Variants in SUSD1 observed in about 807,000 individuals in gnomAD.
The protein encoded by SUSD1 is sushi domain containing 1, also known as sushi domain-containing protein 1.
Under a neutral mutation model 86.9 loss-of-function variants are expected in SUSD1, and 65 were observed. That is an observed-to-expected ratio of 0.75 (90% confidence interval 0.61 to 0.92). The LOEUF is 0.92. SUSD1 is among the 40% of genes least tolerant of loss of function. The pLI is 0.00. For synonymous variants in SUSD1, 346 were observed against 350.0 expected (o/e 0.99, Z 0.13); for missense variants, 850 against 929.7 (o/e 0.91, Z 1.11).
intron 12 of SUSD1, among the ~76,000 whole-genome samples, chr9:112,069,494 C>T (rs1829155686): frequency 6.6e-6 from 1 of 152,164 alleles, no homozygotes; most frequent in African/African-American, 2.4e-5. Context: ...CACACATGTC[C>T]CCTGGGAACG....
rs1019537110 is a variant in SUSD1 at position 112,095,387 on chromosome 9, T to C, written c.1474+3083A>G. 1.0e-3 allele frequency among the ~76,000 whole-genome samples: 159 copies of C among 152,310 alleles called. 4 individuals carry two copies. Among genetic ancestry groups the C allele is most frequent in the Admixed American group, 0.01 (156 of 15,296 alleles). On this transcript the variant is annotated intron_variant, in intron 10 of 16. Coordinates refer to ENST00000374270, the MANE Select transcript of SUSD1 (RefSeq NM_022486.5). The stretch of plus-strand genomic sequence containing the variant: ...AACGTTCTCAGAGGGACCTTGAACA[T>C]TGCAGGCTTATCTCTCTGATACAGA...
In SUSD1 at chr9:112,102,304, A is replaced by G; in HGVS notation, c.1172-19T>C. 1 of 1,396,122 alleles carries G rather than the reference A, an allele frequency of 7.2e-7. No homozygotes were observed. Among genetic ancestry groups the G allele is most frequent in the Non-Finnish European group, 9.9e-7 (1 of 1,008,102 alleles). The allele number at this position is 1,396,122 out of a possible 1,614,324, so 86.5% of individuals were successfully genotyped here. Reference sequence around the variant, plus strand: ...TCAACTTCTAAAAGACAAGAGAGAGAGTTATAGACAGCTTGCACCATCTTA... The same window carrying G: ...TCAACTTCTAAAAGACAAGAGAGAGGGTTATAGACAGCTTGCACCATCTTA... On this transcript the variant is annotated intron_variant, in intron 8 of 16. Transcript: ENST00000374270.
At chr9:112,140,364 G>A (rs147361504) in intron 5 of SUSD1, among the ~76,000 whole-genome samples, 2 of 78,304 alleles carry the variant, frequency 2.6e-5, no homozygotes, top group Admixed American at 1.3e-4. Flanking sequence ...GCGAGACTCC[G>A]TCTCCAAAAA....
At chr9:112,130,343 A>G (rs1007797908) in intron 5 of SUSD1, among the ~76,000 whole-genome samples, 2 of 147,208 alleles carry the variant, frequency 1.4e-5, no homozygotes, top group African/African-American at 4.9e-5. Flanking sequence ...ACTGCACTCC[A>G]GCTTGGGCAA....
At chr9:112,155,133 C>T (rs2131811771) in intron 2 of SUSD1, among the ~76,000 whole-genome samples, 1 of 152,086 alleles carries the variant, frequency 6.6e-6, no homozygotes, top group South Asian at 2.1e-4. Context: ...CGCCTGTAAT[C>T]CTAGCTACTC....
At chr9:112,058,742 T>G in intron 13 of SUSD1, 56 bp from the exon 14 acceptor site, 3 of 1,582,782 alleles carry the variant, frequency 1.9e-6, no homozygotes, top group Non-Finnish European at 2.6e-6. Context: ...GTTCATTCAT[T>G]CATTCATATT....
At chr9:112,142,140 C>T (rs1589716790) in intron 5 of SUSD1, among the ~76,000 whole-genome samples, 180 bp downstream of exon 5, 1 of 151,812 alleles carries the variant, frequency 6.6e-6, no homozygotes, top group Admixed American at 6.6e-5. Flanking sequence ...TTATGATTTG[C>T]AGATGATATG....
intron 15 of SUSD1, among the ~76,000 whole-genome samples, chr9:112,046,133 C>T (rs1827946935): frequency 2.6e-5 from 4 of 152,176 alleles, no homozygotes; most frequent in South Asian, 2.1e-4. Context: ...GTCTACTTTG[C>T]ATATATACTC....
chr9:112,063,443 G>A (rs1828822439), intron 12 of SUSD1, among the ~76,000 whole-genome samples: 2 of 152,212 alleles, frequency 1.3e-5, no homozygotes, highest in Admixed American at 1.3e-4. Flanking sequence ...CACATTTTAT[G>A]TGATGTGTAT....
At chr9:112,136,442 C>T (rs112105503) in intron 5 of SUSD1, among the ~76,000 whole-genome samples, 70 of 152,288 alleles carry the variant, frequency 4.6e-4, no homozygotes, top group African/African-American at 1.6e-3. Context: ...CTATGTTTTC[C>T]GGGCTGGTCT....
intron 12 of SUSD1, among the ~76,000 whole-genome samples, chr9:112,072,130 C>A (rs893620006): frequency 7.1e-6 from 1 of 140,024 alleles, no homozygotes; most frequent in Non-Finnish European, 1.5e-5. Context: ...TTTTTTATTT[C>A]TTTCTTTCTC....
At chr9:112,108,162 T>C (rs966303065) in intron 8 of SUSD1, among the ~76,000 whole-genome samples, 12 of 152,336 alleles carry the variant, frequency 7.9e-5, no homozygotes, top group Middle Eastern at 3.4e-3. Context: ...AATTATATAA[T>C]GCTTTGAAAG....
At chr9:112,108,927 A>G (rs930746030) in intron 8 of SUSD1, among the ~76,000 whole-genome samples, 1 of 151,760 alleles carries the variant, frequency 6.6e-6, no homozygotes, top group Non-Finnish European at 1.5e-5. Context: ...TCCCTCGGGG[A>G]AAAAAAATAG....
chr9:112,081,664 C>T (rs1249915911), intron 10 of SUSD1, among the ~76,000 whole-genome samples: 1 of 152,216 alleles, frequency 6.6e-6, no homozygotes, highest in Non-Finnish European at 1.5e-5. Flanking sequence ...CAATGCCCGA[C>T]CTGTACAAGG....
At chr9:112,051,408 CT>C (rs746946192) in intron 15 of SUSD1, among the ~76,000 whole-genome samples, 8,056 of 76,940 alleles carry the variant, frequency 0.1, 174 homozygotes, top group Admixed American at 0.16. Flanking sequence ...TTTTTCTTTT[CT>C]TTTTTTTTTT....
intron 12 of SUSD1, among the ~76,000 whole-genome samples, chr9:112,067,821 C>G (rs140061978): frequency 6.6e-6 from 1 of 152,208 alleles, no homozygotes; most frequent in African/African-American, 2.4e-5. Context: ...CCAATCCCCC[C>G]ACCCTAGCCC....
In SUSD1 at chr9:112,078,704, T is replaced by C; in HGVS notation, c.1587A>G (p.Arg529=). ...EMYLFHIWGQ[R]WYQKEFAQEM... is the part of the protein sequence containing the mutation. The stretch of plus-strand genomic sequence containing the variant: ...CCTGGGCAAATTCCTTCTGATACCA[T>C]CTCTGGCCCCAAATGTGGAACTGAA... The change falls in exon 12 of 17, where the codon AGA becomes AGG. Residue 529 remains arginine (R), a synonymous_variant. Transcript: ENST00000374270. 6.2e-7 allele frequency: 1 copy of C among 1,612,952 alleles called. No individual in the cohort carries two copies. The highest frequency in any genetic ancestry group is 2.2e-5 in the East Asian group (1 of 44,876).
At chr9:112,155,545 G>A (rs1053185544) in intron 2 of SUSD1, among the ~76,000 whole-genome samples, 1 of 152,168 alleles carries the variant, frequency 6.6e-6, no homozygotes, top group Non-Finnish European at 1.5e-5. Context: ...TGTCTGCAAA[G>A]TGAAAGGTGA....
At chr9:112,139,980 C>A (rs975258761) in intron 5 of SUSD1, among the ~76,000 whole-genome samples, 92 of 152,178 alleles carry the variant, frequency 6.0e-4, no homozygotes, top group African/African-American at 2.1e-3. Context: ...AATCCCAGCA[C>A]TGTGGGAGGC....
Sources: allele counts gnomAD v4.1 joint callset (sites outside exome capture counted in the v4.1 genomes callset), GRCh38; gene constraint gnomAD v4.1.1; transcripts MANE v1.5; gene names NCBI Gene and HGNC (gene_info 2026-07-23, HGNC 2026-07-21).